Variants in DUSP15 observed in about 807,000 individuals in gnomAD.
DUSP15 encodes dual specificity phosphatase 15, also known as dual specificity protein phosphatase 15.
In DUSP15, 23 loss-of-function variants were observed where a neutral mutation model predicts 26.3. The observed-to-expected ratio is 0.87, with a 90% CI of 0.63 to 1.24. DUSP15 has a LOEUF of 1.24. Ranked by LOEUF, DUSP15 falls within the 50% of genes most tolerant of loss-of-function variation. The pLI is 0.00. For missense variants in DUSP15, 364 were observed against 320.6 expected (o/e 1.14, Z -1.03); for synonymous variants, 143 against 135.5 (o/e 1.06, Z -0.39).
At chr20:31,870,534 G>A (rs2062901901), upstream of DUSP15, 5 of 1,450,614 alleles carry the variant, frequency 3.4e-6, no homozygotes, top group Non-Finnish European at 4.5e-6. The surrounding 1 kb of genome is among the most constrained non-coding windows in gnomAD (Gnocchi z 6.6). Flanking sequence ...AAATGGTGGT[G>A]GAGCCGCCGC....
chr20:31,846,622 C>T (rs1025825304), downstream of DUSP15, among the ~76,000 whole-genome samples: 5 of 152,240 alleles, frequency 3.3e-5, no homozygotes, highest in African/African-American at 1.2e-4. Flanking sequence ...GGCCTTGGGG[C>T]CACACCACTC....
rs538005254 is a variant in DUSP15 at position 31,861,531 on chromosome 20, C to G, written c.580G>C (p.Glu194Gln). 104 of 1,516,112 alleles carry G rather than the reference C, an allele frequency of 6.9e-5. No individual in the cohort carries two copies. In the South Asian group the frequency reaches 1.2e-3, roughly 17 times the overall value. 93.9% of individuals were successfully genotyped at this position (1,516,112 alleles called of 1,614,324 possible). ...GGCACCAGGCGCTGCACGGTTCCCT[C>G]GGAGGCTGCTGAGTGCGGCCCGGCG... ...SSAGPHSAAS[E>Q]GTVQRLVPRT... The change falls in exon 7 of 7, where the codon GAG (glutamate) becomes CAG (glutamine). Residue 194 changes from glutamate to glutamine, a missense_variant. By Grantham distance (29) the Glu-to-Gln change is conservative. Transcript: ENST00000339738.
downstream of DUSP15, among the ~76,000 whole-genome samples, chr20:31,859,848 T>G (rs1004526844): frequency 2.8e-4 from 42 of 152,132 alleles, no homozygotes; most frequent in Non-Finnish European, 4.7e-4. Flanking sequence ...GACTGCGGGC[T>G]CCCTGCACTC....
intron 2 of DUSP15, among the ~76,000 whole-genome samples, chr20:31,868,785 A>G (rs928231007): frequency 6.6e-6 from 1 of 152,146 alleles, no homozygotes; most frequent in African/African-American, 2.4e-5. Flanking sequence ...CAGCCCCCTT[A>G]GCATGGTTTC....
intron 2 of DUSP15, among the ~76,000 whole-genome samples, chr20:31,868,053 C>T (rs1267261197): frequency 1.3e-5 from 2 of 152,138 alleles, no homozygotes; most frequent in Non-Finnish European, 2.9e-5. Flanking sequence ...CAACAGTGGC[C>T]CTCTCTAGGG....
At chr20:31,848,222 A>G in exon 10 of DUSP15, 1 of 570,646 alleles carries the variant, frequency 1.8e-6, no homozygotes, top group East Asian at 3.4e-5. Flanking sequence ...CCCCATGCCC[A>G]GCTGGGGGGC....
chr20:31,846,604 G>A (rs562597685), downstream of DUSP15, among the ~76,000 whole-genome samples: 15 of 152,022 alleles, frequency 9.9e-5, no homozygotes, highest in Non-Finnish European at 1.8e-4. Flanking sequence ...CTTCTCCTGC[G>A]GTGCAGAGGC....
chr20:31,866,005 A>G (rs1035311133), intron 3 of DUSP15, among the ~76,000 whole-genome samples: 9 of 152,230 alleles, frequency 5.9e-5, no homozygotes, highest in African/African-American at 1.4e-4. Flanking sequence ...AGGCTGCCCT[A>G]TGAGGCAAAA....
Position 31,863,623 on chromosome 20 carries a change from C to G in DUSP15, c.263+284G>C, listed in dbSNP as rs374906292. 354 of 384,946 alleles carry G rather than the reference C, an allele frequency of 9.2e-4. 5 individuals carry two copies. In the South Asian group the frequency reaches 9.7e-3, roughly 11 times the overall value. 23.8% of individuals were successfully genotyped at this position (384,946 alleles called of 1,614,324 possible). A position where few individuals can be genotyped will look rare whatever the true frequency, so the allele number is the denominator to read the frequency against. On this transcript the variant is annotated intron_variant, in intron 5 of 6. Coordinates refer to ENST00000339738, the MANE Select transcript of DUSP15 (RefSeq NM_080611.5). ...GTGATGAGCTACCTCCATGACCTCA[C>G]CTATCCCTCCCAACAGTCCCATCAG...
chr20:31,867,631 G>GTTTTTTTTTTTTGTTTTTTTTT (rs2062797653), intron 2 of DUSP15, among the ~76,000 whole-genome samples: 1 of 77,652 alleles, frequency 1.3e-5, no homozygotes, highest in African/African-American at 5.5e-5. Context: ...TGCCCACAAT[G>GTTTTTTTTTTTTGTTTTTTTTT]TTTTTTTTTT....
intron 3 of DUSP15, among the ~76,000 whole-genome samples, chr20:31,865,948 C>T (rs2062754998): frequency 6.6e-6 from 1 of 152,172 alleles, no homozygotes; most frequent in Admixed American, 6.5e-5. Flanking sequence ...ACTTGACAAC[C>T]TTCCCCATGC....
At chr20:31,863,865 A>T (rs1487794407) in intron 5 of DUSP15, 42 bp downstream of exon 5, 1 of 1,583,586 alleles carries the variant, frequency 6.3e-7, no homozygotes, top group Admixed American at 1.7e-5. Context: ...GGGCACAGCC[A>T]CTTCCTTCCT....
intron 3 of DUSP15, among the ~76,000 whole-genome samples, chr20:31,865,336 C>T (rs1445612615): frequency 1.3e-5 from 2 of 152,050 alleles, no homozygotes; most frequent in African/African-American, 2.4e-5. Flanking sequence ...ATGGGAATTA[C>T]AAAATTACAT....
downstream of DUSP15, chr20:31,845,767 G>C: frequency 1.6e-6 from 1 of 607,234 alleles, no homozygotes; most frequent in Non-Finnish European, 2.9e-6. Context: ...GTGGGAAGCC[G>C]AGCAGCTGCC....
chr20:31,868,242 TAC>T (rs1304390494), intron 2 of DUSP15, among the ~76,000 whole-genome samples: 2 of 152,148 alleles, frequency 1.3e-5, no homozygotes, highest in African/African-American at 2.4e-5. Flanking sequence ...CCTGCACACT[TAC>T]AGAGGGTTCA....
chr20:31,868,314 C>T (rs1397039295), intron 2 of DUSP15, among the ~76,000 whole-genome samples: 1 of 152,106 alleles, frequency 6.6e-6, no homozygotes, highest in Non-Finnish European at 1.5e-5. Context: ...GAGGGAGCTC[C>T]CAGGAAGGAA....
intron 4 of DUSP15, 144 bp from the exon 5 acceptor site, chr20:31,864,125 A>C: frequency 6.8e-7 from 1 of 1,465,616 alleles, no homozygotes; most frequent in Non-Finnish European, 9.1e-7. Context: ...AATATGGGCC[A>C]GTACTTAGTA....
downstream of DUSP15, among the ~76,000 whole-genome samples, chr20:31,846,478 A>AGAGAGAGAGGG (rs1568647452): frequency 1.5e-4 from 19 of 126,572 alleles, no homozygotes; most frequent in African/African-American, 5.6e-4. Flanking sequence ...GAGAGAGAGG[A>AGAGAGAGAGGG]GAGAGAGGCA....
intron 5 of DUSP15, 102 bp downstream of exon 5, chr20:31,863,805 G>T: frequency 8.5e-7 from 1 of 1,170,888 alleles, no homozygotes; most frequent in Non-Finnish European, 1.3e-6. Flanking sequence ...GGCTGGAGAA[G>T]ATCCCTCACA....
Sources: allele counts gnomAD v4.1 joint callset (sites outside exome capture counted in the v4.1 genomes callset), GRCh38; gene constraint gnomAD v4.1.1; non-coding constraint Gnocchi (gnomAD v3.1); transcripts MANE v1.5; gene names NCBI Gene and HGNC (gene_info 2026-07-23, HGNC 2026-07-21).